SEPSECS: variants seen among roughly 807,000 people sequenced by gnomAD.
The protein encoded by SEPSECS is Sep (O-phosphoserine) tRNA:Sec (selenocysteine) tRNA synthase, also known as O-phosphoseryl-tRNA(Sec) selenium transferase.
A neutral mutation model predicts 52.1 loss-of-function variants in SEPSECS; 42 were observed. The observed-to-expected ratio is 0.81, with a 90% CI of 0.63 to 1.04. The LOEUF is 1.04. Among genes scored for constraint, SEPSECS ranks in the 50% least tolerant of loss-of-function variants. SEPSECS has a pLI of 0.00. For missense variants in SEPSECS, 590 were observed against 610.6 expected (o/e 0.97, Z 0.36); for synonymous variants, 216 against 211.4 (o/e 1.02, Z -0.19).
At chr4:25,160,498 C>A (rs1713014765), upstream of SEPSECS, 3 of 706,928 alleles carry the variant, frequency 4.2e-6, no homozygotes, top group Admixed American at 6.0e-5. Flanking sequence ...CAAAACAAAA[C>A]AAAACAAAAC....
chr4:25,159,125 ACTT>A lies in SEPSECS; in HGVS notation c.115-21_115-19del. ...CACTTGCCCTTAAAAAAAAAAAAAA[ACTT>A]ATGATTATATTTAATAAAACTACCG... On this transcript the variant is annotated intron_variant, in intron 1 of 10. Coordinates refer to ENST00000382103, the MANE Select transcript of SEPSECS (RefSeq NM_016955.4). The A allele has an allele frequency of 4.0e-6, 6 of 1,506,332 alleles. No individual in the cohort carries two copies. The highest frequency in any genetic ancestry group is 5.4e-6 in the Non-Finnish European group (6 of 1,114,230). 93.3% of individuals were successfully genotyped at this position (1,506,332 alleles called of 1,614,324 possible).
chr4:25,127,311 G>T lies in SEPSECS; in HGVS notation c.1073C>A (p.Ala358Asp), dbSNP rs766151161. 5.6e-6 allele frequency: 9 copies of T among 1,613,170 alleles called. No individual in the cohort carries two copies. The African/African-American group carries it at 1.1e-4, about 19-fold the overall frequency. Residue 358 changes from alanine (A) to aspartate (D), a missense_variant, in exon 9 of 11, where the codon GCC becomes GAC. By Grantham distance (126) the Ala-to-Asp change is moderately radical. Coordinates refer to ENST00000382103, the MANE Select transcript of SEPSECS (RefSeq NM_016955.4). ...TGTATGCAACAGTCTTTCATTGTAG[G>T]CTTCTGACAACTTCTTTATTTGGTT... Reference protein sequence around the residue: ...LSNQIKKLSEAYNERLLHTPH... With the variant: ...LSNQIKKLSEDYNERLLHTPH...
intron 8 of SEPSECS, among the ~76,000 whole-genome samples, chr4:25,130,367 TA>T (rs1334483863): frequency 3.9e-5 from 6 of 152,248 alleles, no homozygotes; most frequent in African/African-American, 1.4e-4. Context: ...ACATGGCTAT[TA>T]AAAAGTGAAT....
chr4:25,152,232 G>T (rs1393881098), intron 5 of SEPSECS, among the ~76,000 whole-genome samples, 170 bp from the exon 6 acceptor site: 1 of 151,900 alleles, frequency 6.6e-6, no homozygotes, highest in Non-Finnish European at 1.5e-5. Context: ...TCAGCAGCTT[G>T]GAAATACATA....
rs1319804787 is a variant in SEPSECS at position 25,159,069 on chromosome 4, A to C, written c.153T>G (p.Leu51=). ...CPENGWDEST[L]ELFLHELAIM... is the part of the protein sequence containing the mutation. ...TTGCAAGTTCATGTAAAAAGAGTTC[A>C]AGTGTACTTTCATCCCAGCCATTCT... Residue 51 remains leucine, a synonymous_variant, in exon 2 of 11, where the codon CTT becomes CTG. Coordinates refer to ENST00000382103, the MANE Select transcript of SEPSECS (RefSeq NM_016955.4). 3 of 1,613,628 alleles carry C rather than the reference A, an allele frequency of 1.9e-6. No individual in the cohort carries two copies. Among genetic ancestry groups the C allele is most frequent in the Non-Finnish European group, 2.5e-6 (3 of 1,179,728 alleles).
chr4:25,154,918 T>C (rs1317774924), intron 5 of SEPSECS, 80 bp downstream of exon 5: 67 of 1,380,564 alleles, frequency 4.9e-5, no homozygotes, highest in Non-Finnish European at 4.1e-6. Context: ...TGAAGTGTTA[T>C]TTAAGCATAT....
intron 8 of SEPSECS, among the ~76,000 whole-genome samples, chr4:25,141,325 T>C (rs1423598396): frequency 6.6e-6 from 1 of 152,204 alleles, no homozygotes; most frequent in Non-Finnish European, 1.5e-5. Flanking sequence ...ATCTAGTCTC[T>C]TGGCCAATTA....
At chr4:25,124,856 C>T (rs1728298707) in intron 10 of SEPSECS, among the ~76,000 whole-genome samples, 1 of 151,814 alleles carries the variant, frequency 6.6e-6, no homozygotes, top group African/African-American at 2.4e-5. Context: ...ATTTCACTGG[C>T]ATATTAGATA....
In SEPSECS at chr4:25,155,100, G is replaced by C. The variant is rs1712542289; in HGVS notation, c.599C>G (p.Thr200Arg). 6.2e-7 allele frequency: 1 copy of C among 1,614,032 alleles called. No individual in the cohort carries two copies. The highest frequency in any genetic ancestry group is 1.3e-5 in the African/African-American group (1 of 74,922). The change falls in exon 5 of 11, where the codon ACA becomes AGA. Residue 200 changes from threonine (T) to arginine (R), a missense_variant. Physicochemically the swap from Thr to Arg is moderately conservative, Grantham distance 71. Coordinates refer to ENST00000382103, the MANE Select transcript of SEPSECS (RefSeq NM_016955.4). ...ENVLEGDELRTDLKAVEAKVQ... is the reference protein window; with the variant it reads ...ENVLEGDELRRDLKAVEAKVQ... ...TTTAGCCTCCACTGCTTTCAGGTCTGTACGCAGCTCGTCACCTTCCAAAAC... is the reference window on the plus strand; with the variant it reads ...TTTAGCCTCCACTGCTTTCAGGTCTCTACGCAGCTCGTCACCTTCCAAAAC...
At chr4:25,145,990 G>A (rs565123653) in intron 6 of SEPSECS, among the ~76,000 whole-genome samples, 2 of 152,256 alleles carry the variant, frequency 1.3e-5, no homozygotes, top group South Asian at 4.1e-4. Context: ...TGAACTTCCA[G>A]TGAAAATCTA....
At chr4:25,141,987 C>A (rs745902823) in intron 8 of SEPSECS, among the ~76,000 whole-genome samples, 1 of 152,146 alleles carries the variant, frequency 6.6e-6, no homozygotes. Flanking sequence ...TCAAATGTCA[C>A]GGTATTGGGC....
chr4:25,156,001 T>A, intron 4 of SEPSECS, 36 bp downstream of exon 4: 1 of 1,556,542 alleles, frequency 6.4e-7, no homozygotes, highest in Non-Finnish European at 8.9e-7. Flanking sequence ...TTCATAATTA[T>A]GATGTTTAAA....
chr4:25,152,196 T>G (rs1241181733), intron 5 of SEPSECS, 134 bp from the exon 6 acceptor site: 4 of 626,866 alleles, frequency 6.4e-6, no homozygotes, highest in Non-Finnish European at 1.2e-5. Flanking sequence ...CACTGAAATT[T>G]CTATTGCAGT....
In SEPSECS at chr4:25,136,107, G is replaced by C. The variant is rs531948586; in HGVS notation, c.1026+8667C>G. On this transcript the variant is annotated intron_variant, in intron 8 of 10. Coordinates refer to ENST00000382103, the MANE Select transcript of SEPSECS (RefSeq NM_016955.4). ...CCCACAGCCAATATCATACTGAATGGGCAAAAGCTGGAAGCATTCCCCTTG... is the reference window on the plus strand; with the variant it reads ...CCCACAGCCAATATCATACTGAATGCGCAAAAGCTGGAAGCATTCCCCTTG... Among the ~76,000 whole-genome samples, 452 of 152,172 alleles carry C rather than the reference G, an allele frequency of 3.0e-3. 1 individual carries two copies. The highest frequency in any genetic ancestry group is 5.0e-3 in the Admixed American group (77 of 15,280).
intron 5 of SEPSECS, among the ~76,000 whole-genome samples, chr4:25,154,128 T>A (rs1260863065): frequency 6.6e-6 from 1 of 152,124 alleles, no homozygotes; most frequent in Non-Finnish European, 1.5e-5. Context: ...AAAAGTAATC[T>A]TAAAATAGAG....
chr4:25,146,612 G>C (rs1429261096), intron 6 of SEPSECS, among the ~76,000 whole-genome samples: 1 of 152,214 alleles, frequency 6.6e-6, no homozygotes, highest in Non-Finnish European at 1.5e-5. Flanking sequence ...AGAAGTACTA[G>C]AGGAATCAAT....
In SEPSECS at chr4:25,122,968, C is replaced by T. The variant is rs1728191727; in HGVS notation, c.*963G>A. 1 of 152,104 alleles carries T rather than the reference C, an allele frequency of 6.6e-6. No homozygotes were observed. Among genetic ancestry groups the T allele is most frequent in the Non-Finnish European group, 1.5e-5 (1 of 68,006 alleles). 9.4% of individuals were successfully genotyped at this position (152,104 alleles called of 1,614,324 possible). A position where few individuals can be genotyped will look rare whatever the true frequency, so the allele number is the denominator to read the frequency against. ...TGTCTGTGCACAACATCTGAACAAA[C>T]TAACCAATATATGCAGGCTGCTTAA... is the stretch of plus-strand genomic sequence containing the variant. On this transcript the variant is annotated 3_prime_UTR_variant, in exon 11 of 11. Coordinates refer to ENST00000382103, the MANE Select transcript of SEPSECS (RefSeq NM_016955.4).
At position 25,160,329 on chromosome 4, in the gene SEPSECS, G is replaced by T. The variant is rs1228958177; in HGVS notation, c.41C>A (p.Ser14Ter). Residue 14 changes from serine (S) to a stop codon, truncating the protein, a stop_gained, in exon 1 of 11, where the codon TCG becomes TAG. Coordinates refer to ENST00000382103, the MANE Select transcript of SEPSECS (RefSeq NM_016955.4). LOFTEE classifies it high-confidence loss of function. ...ESFAAGERLVSPAYVRQGCEA... is the reference protein window; with the variant it reads ...ESFAAGERLV ...ACAGCCCTGCCGCACGTAAGCCGGC[G>T]ACACCAGCCGCTCTCCCGCCGCGAA... 11 of 1,548,662 alleles carry T rather than the reference G, an allele frequency of 7.1e-6. No homozygotes were observed. Among genetic ancestry groups the T allele is most frequent in the Non-Finnish European group, 9.6e-6 (11 of 1,145,886 alleles).
At chr4:25,157,282 A>G (rs1458136385) in intron 2 of SEPSECS, among the ~76,000 whole-genome samples, 1 of 152,192 alleles carries the variant, frequency 6.6e-6, no homozygotes, top group African/African-American at 2.4e-5. Flanking sequence ...GGCTGAATTT[A>G]GTAACTTGCT....
Sources: allele counts gnomAD v4.1 joint callset (sites outside exome capture counted in the v4.1 genomes callset), GRCh38; gene constraint gnomAD v4.1.1; transcripts MANE v1.5; gene names NCBI Gene and HGNC (gene_info 2026-07-23, HGNC 2026-07-21).